Variants in EDIL3 observed in about 807,000 individuals in gnomAD.
The protein encoded by EDIL3 is EGF-like repeat and discoidin I-like domain-containing protein 3.
A neutral mutation model predicts 67.4 loss-of-function variants in EDIL3; 37 were observed. That is an observed-to-expected ratio of 0.55 (90% confidence interval 0.42 to 0.72). EDIL3 has a LOEUF of 0.72. Ranked by LOEUF, EDIL3 falls within the 30% of genes least tolerant of loss-of-function variation. EDIL3 has a pLI of 0.00. For synonymous variants in EDIL3, 195 were observed against 196.3 expected (o/e 0.99, Z 0.05); for missense variants, 527 against 586.3 (o/e 0.90, Z 1.04).
chr5:83,959,990 T>C (rs1277093431), intron 10 of EDIL3, among the ~76,000 whole-genome samples: 2 of 150,966 alleles, frequency 1.3e-5, no homozygotes, highest in East Asian at 3.9e-4. Flanking sequence ...AGAGACCTAA[T>C]GCTCTGTAAT....
At position 84,312,147 on chromosome 5, in the gene EDIL3, C is replaced by T. The variant is rs1252012242; in HGVS notation, c.68-57935G>A. On this transcript the variant is annotated intron_variant, in intron 1 of 10. Transcript: ENST00000296591. Reference sequence around the variant, plus strand: ...CCCAGTAGGGGCGGCCGGGCAGAGGCGCCCCTCACCTCCCGGACCGGGCAG... The same window carrying T: ...CCCAGTAGGGGCGGCCGGGCAGAGGTGCCCCTCACCTCCCGGACCGGGCAG... 5.9e-5 allele frequency among the ~76,000 whole-genome samples: 9 copies of T among 151,626 alleles called. No homozygotes were observed. The South Asian group carries it at 6.2e-4, about 11-fold the overall frequency.
At chr5:84,126,872 G>A (rs908018861) in intron 5 of EDIL3, among the ~76,000 whole-genome samples, 4 of 151,990 alleles carry the variant, frequency 2.6e-5, no homozygotes, top group African/African-American at 4.8e-5. Context: ...TCTGGTAAAC[G>A]GAAAACTATT....
At chr5:84,358,486 G>GTT (rs1223449535) in intron 1 of EDIL3, among the ~76,000 whole-genome samples, 2 of 151,656 alleles carry the variant, frequency 1.3e-5, no homozygotes, top group Non-Finnish European at 2.9e-5. Context: ...TTTTTGGAAG[G>GTT]AGTAAAACAT....
chr5:84,032,121 T>C (rs1231411540), intron 9 of EDIL3, among the ~76,000 whole-genome samples: 5 of 152,198 alleles, frequency 3.3e-5, no homozygotes, highest in Non-Finnish European at 7.4e-5. Flanking sequence ...TCTGTTTAAT[T>C]AAACCCAAAA....
intron 1 of EDIL3, among the ~76,000 whole-genome samples, chr5:84,317,112 T>A (rs1746529971): frequency 6.6e-6 from 1 of 152,084 alleles, no homozygotes. Context: ...TTTAAAGCAG[T>A]GTGTAGAGGG....
At chr5:84,026,969 C>T (rs973110800) in intron 9 of EDIL3, among the ~76,000 whole-genome samples, 4 of 152,038 alleles carry the variant, frequency 2.6e-5, no homozygotes, top group Non-Finnish European at 5.9e-5. Context: ...GTGACATGCG[C>T]CTGTACTCTG....
chr5:84,349,477 A>T (rs969596539), intron 1 of EDIL3, among the ~76,000 whole-genome samples: 3 of 152,208 alleles, frequency 2.0e-5, no homozygotes, highest in Admixed American at 6.5e-5. Context: ...TATTGAAGAA[A>T]ATAATGTTTT....
At chr5:84,026,384 G>T (rs1580285944) in intron 9 of EDIL3, among the ~76,000 whole-genome samples, 2 of 152,144 alleles carry the variant, frequency 1.3e-5, no homozygotes, top group African/African-American at 4.8e-5. Context: ...CCTTTTCAGA[G>T]AATATTTGTT....
At chr5:84,242,055 C>A in intron 2 of EDIL3, among the ~76,000 whole-genome samples, 1 of 105,156 alleles carries the variant, frequency 9.5e-6, no homozygotes. Context: ...CCCGTCTCTA[C>A]TAAAAGTACA....
At chr5:83,989,896 C>G (rs1745119772) in intron 9 of EDIL3, among the ~76,000 whole-genome samples, 1 of 152,156 alleles carries the variant, frequency 6.6e-6, no homozygotes, top group African/African-American at 2.4e-5. Context: ...TGGCAAAGAA[C>G]TGTGAGTGAC....
At chr5:84,175,289 T>C (rs1159301911) in intron 4 of EDIL3, among the ~76,000 whole-genome samples, 1 of 152,190 alleles carries the variant, frequency 6.6e-6, no homozygotes. Flanking sequence ...AGAGGAATTC[T>C]AGAAAAGTAT....
At chr5:84,127,149 T>C (rs1747882824) in intron 5 of EDIL3, among the ~76,000 whole-genome samples, 2 of 152,060 alleles carry the variant, frequency 1.3e-5, no homozygotes, top group African/African-American at 4.8e-5. Flanking sequence ...GTGCTGAGTA[T>C]TTATAGGCTT....
At chr5:84,376,059 C>T (rs1337426305) in intron 1 of EDIL3, among the ~76,000 whole-genome samples, 2 of 152,122 alleles carry the variant, frequency 1.3e-5, no homozygotes, top group African/African-American at 2.4e-5. Context: ...GACAGAGCAT[C>T]GCCTAATAGT....
intron 5 of EDIL3, among the ~76,000 whole-genome samples, chr5:84,108,787 A>G (rs1161684680): frequency 6.6e-6 from 1 of 152,166 alleles, no homozygotes. Context: ...TGGAAAAATG[A>G]AACAGGCAGG....
intron 3 of EDIL3, among the ~76,000 whole-genome samples, chr5:84,187,523 C>A (rs163719): frequency 0.11 from 17,251 of 151,990 alleles, 1,171 homozygotes; most frequent in South Asian, 0.2. Flanking sequence ...AATAAATGTA[C>A]ACTTTATGTA....
intron 6 of EDIL3, among the ~76,000 whole-genome samples, chr5:84,105,673 C>T (rs574504705): frequency 7.2e-5 from 11 of 152,098 alleles, no homozygotes; most frequent in African/African-American, 9.6e-5. Context: ...TAGTATGACT[C>T]CCGAAGCACA....
chr5:84,043,738 AC>A (rs1746172654), intron 9 of EDIL3, among the ~76,000 whole-genome samples: 1 of 152,226 alleles, frequency 6.6e-6, no homozygotes, highest in African/African-American at 2.4e-5. Flanking sequence ...TACACATTAT[AC>A]ATGTGTATAC....
intron 3 of EDIL3, among the ~76,000 whole-genome samples, chr5:84,219,680 A>G (rs936006221): frequency 6.6e-6 from 1 of 151,700 alleles, no homozygotes; most frequent in Non-Finnish European, 1.5e-5. Flanking sequence ...ATTGCAGCAC[A>G]ATTCACAATA....
chr5:83,983,995 A>C (rs1435086855), intron 9 of EDIL3, among the ~76,000 whole-genome samples: 1 of 151,948 alleles, frequency 6.6e-6, no homozygotes, highest in Non-Finnish European at 1.5e-5. Flanking sequence ...CTAGGGCTGG[A>C]AAGGTAGTCT....
Sources: gnomAD v4.1 joint callset for allele counts (sites outside exome capture counted in the v4.1 genomes callset) on GRCh38, gnomAD v4.1.1 for gene constraint, MANE v1.5 for transcripts, NCBI Gene and HGNC (gene_info 2026-07-23, HGNC 2026-07-21) for gene names.